ZNF439: variants seen among roughly 807,000 people sequenced by gnomAD.
ZNF439 encodes zinc finger protein 439.
Under a neutral mutation model 47.3 loss-of-function variants are expected in ZNF439, and 40 were observed. The ratio of observed to expected loss-of-function variants is 0.85; its 90% CI spans 0.66 to 1.10. The LOEUF is 1.10. Among genes scored for constraint, ZNF439 ranks in the 50% least tolerant of loss-of-function variants. The probability of loss-of-function intolerance (pLI) is 0.00; values close to 1 mark genes in which losing one functional copy is unlikely to be tolerated. For missense variants in ZNF439, 556 were observed against 601.1 expected, an observed-to-expected ratio of 0.93 and a Z score of 0.78; for synonymous variants, 171 against 198.8, an observed-to-expected ratio of 0.86 and a Z score of 1.18.
rs1976755828 is a variant in ZNF439 at position 11,868,130 on chromosome 19, A to G, written c.1076A>G (p.Tyr359Cys). 6.2e-7 allele frequency: 1 copy of G among 1,614,106 alleles called. No homozygotes were observed. Among genetic ancestry groups the G allele is most frequent in the Non-Finnish European group, 8.5e-7 (1 of 1,180,046 alleles). Residue 359 changes from tyrosine to cysteine, a missense_variant, in exon 4 of 4, where the codon TAT becomes TGT. Physicochemically the swap from Tyr to Cys is radical, Grantham distance 194. Coordinates refer to ENST00000682736, the MANE Select transcript of ZNF439 (RefSeq NM_001348719.2). ...AGAATGCACTCTGGAGAAAGACCTT[A>G]TGAATGTAAGACATGTGGGAAAGGC... ...HIRMHSGERP[Y>C]ECKTCGKGFY...
At chr19:11,866,685 A>C in intron 3 of ZNF439, 88 bp downstream of exon 3, 1 of 1,361,984 alleles carries the variant, frequency 7.3e-7, no homozygotes, top group Non-Finnish European at 1.0e-6. Flanking sequence ...ACAAAGAACT[A>C]AGTCCAGGAT....
At chr19:11,849,665 C>T (rs10439165) in intron 1 of ZNF439, 26,150 of 152,158 alleles carry the variant, frequency 0.17, 3,009 homozygotes, top group African/African-American at 0.32. Flanking sequence ...TAGGTGGCAG[C>T]TGGTTGAGAG....
chr19:11,863,542 A>G (rs1976596567), intron 1 of ZNF439, among the ~76,000 whole-genome samples: 1 of 152,132 alleles, frequency 6.6e-6, no homozygotes, highest in African/African-American at 2.4e-5. Context: ...CCTTGATCAG[A>G]TAGGTGTCCT....
At chr19:11,854,010 C>A (rs1041291409) in intron 1 of ZNF439, among the ~76,000 whole-genome samples, 1 of 152,132 alleles carries the variant, frequency 6.6e-6, no homozygotes, top group Non-Finnish European at 1.5e-5. Flanking sequence ...TCAAAGGTCC[C>A]GTGGATGCTC....
intron 1 of ZNF439, 150 bp from the exon 2 acceptor site, chr19:11,866,055 A>G: frequency 6.7e-7 from 1 of 1,493,138 alleles, no homozygotes; most frequent in Non-Finnish European, 8.9e-7. Context: ...GAAGAAAGTA[A>G]GTATAGACAG....
chr19:11,857,819 A>G (rs1976428136), intron 1 of ZNF439: 1 of 152,244 alleles, frequency 6.6e-6, no homozygotes, highest in African/African-American at 2.4e-5. Context: ...TTCAGTAACA[A>G]TAGTGCCTAA....
At chr19:11,861,982 G>A (rs969734918) in intron 1 of ZNF439, among the ~76,000 whole-genome samples, 1 of 152,134 alleles carries the variant, frequency 6.6e-6, no homozygotes, top group African/African-American at 2.4e-5. Context: ...TCTTGGTCCT[G>A]GGTGGCAGAA....
intron 1 of ZNF439, among the ~76,000 whole-genome samples, chr19:11,860,602 C>T (rs974397267): frequency 1.3e-5 from 2 of 151,974 alleles, no homozygotes; most frequent in Admixed American, 6.6e-5. Flanking sequence ...AGGACGAACG[C>T]GGGAATAAAG....
At chr19:11,857,259 C>T (rs1976411278) in intron 1 of ZNF439, 1 of 152,132 alleles carries the variant, frequency 6.6e-6, no homozygotes, top group South Asian at 2.1e-4. Context: ...CTATTATTTC[C>T]ACAAAATCTG....
intron 1 of ZNF439, among the ~76,000 whole-genome samples, chr19:11,855,108 G>A (rs1976349934): frequency 6.6e-6 from 1 of 152,154 alleles, no homozygotes; most frequent in South Asian, 2.1e-4. Flanking sequence ...TCCACACCAA[G>A]CAATCTGGGC....
intron 1 of ZNF439, among the ~76,000 whole-genome samples, chr19:11,851,932 G>A (rs1976256387): frequency 6.6e-6 from 1 of 152,176 alleles, no homozygotes; most frequent in African/African-American, 2.4e-5. Flanking sequence ...GCAGGCGTTA[G>A]CCAGTGCACC....
At chr19:11,854,522 G>A (rs976416823) in intron 1 of ZNF439, among the ~76,000 whole-genome samples, 5 of 152,232 alleles carry the variant, frequency 3.3e-5, no homozygotes, top group African/African-American at 1.2e-4. Context: ...CACTTTGGGA[G>A]GCCAAGGCAG....
In ZNF439 at chr19:11,869,438, A is replaced by G. The variant is rs1165487128; in HGVS notation, c.*869A>G. 6.6e-6 allele frequency: 1 copy of G among 152,660 alleles called. No homozygotes were observed. Among genetic ancestry groups the G allele is most frequent in the Non-Finnish European group, 1.5e-5 (1 of 68,186 alleles). The allele number at this position is 152,660 out of a possible 1,614,324, so 9.5% of individuals were successfully genotyped here. A position where few individuals can be genotyped will look rare whatever the true frequency, so the allele number is the denominator to read the frequency against. On this transcript the variant is annotated 3_prime_UTR_variant, in exon 4 of 4. Coordinates refer to ENST00000682736, the MANE Select transcript of ZNF439 (RefSeq NM_001348719.2). Reference sequence around the variant, plus strand: ...CTAACAAATGTTATTCTTTTTAAATAATTAAGAAGCTATAATAAAATATCC... The same window carrying G: ...CTAACAAATGTTATTCTTTTTAAATGATTAAGAAGCTATAATAAAATATCC...
chr19:11,855,885 G>T (rs282752), intron 1 of ZNF439: 26,461 of 152,238 alleles, frequency 0.17, 3,105 homozygotes, highest in African/African-American at 0.33. Flanking sequence ...CCTTCTCTCC[G>T]TCTTCACACT....
chr19:11,854,795 A>G (rs1176116374), intron 1 of ZNF439, among the ~76,000 whole-genome samples: 1 of 152,178 alleles, frequency 6.6e-6, no homozygotes, highest in Admixed American at 6.5e-5. Context: ...GCAATGTGCT[A>G]TGATTAATGT....
At chr19:11,865,413 T>C (rs1253572152) in intron 1 of ZNF439, among the ~76,000 whole-genome samples, 1 of 150,078 alleles carries the variant, frequency 6.7e-6, no homozygotes, top group East Asian at 2.0e-4. Context: ...TCTACTTAGG[T>C]GTCTCCCCTC....
Position 11,866,320 on chromosome 19 carries a change from T to C in ZNF439, c.179T>C (p.Leu60Pro). 1 of 1,614,158 alleles carries C rather than the reference T, an allele frequency of 6.2e-7. No homozygotes were observed. Among genetic ancestry groups the C allele is most frequent in the Non-Finnish European group, 8.5e-7 (1 of 1,180,014 alleles). Residue 60 changes from leucine (L) to proline (P), a missense_variant, in exon 2 of 4, where the codon CTG (leucine) becomes CCG (proline). Coordinates refer to ENST00000682736, the MANE Select transcript of ZNF439 (RefSeq NM_001348719.2). ...REVMLETFWN[L>P]TSIGKKWKDQ... is the part of the protein sequence containing the mutation. ...GTGATGCTGGAAACTTTCTGGAACC[T>C]GACCTCTATAGGTAAGGATGACAAT...
rs1301177287 is a variant in ZNF439, at chr19:11,855,642, G to A, written c.63+6712G>A. On this transcript the variant is annotated intron_variant, in intron 1 of 3. Coordinates refer to ENST00000682736, the MANE Select transcript of ZNF439 (RefSeq NM_001348719.2). ...GATCATGATAGATTTCAGAAAGAGC[G>A]TCACTCCAAAGTATAGGCCGTACTG... Among the ~76,000 whole-genome samples, 11 of 152,198 alleles carry A rather than the reference G, an allele frequency of 7.2e-5. No individual in the cohort carries two copies. The East Asian group carries it at 1.2e-3, about 16-fold the overall frequency.
chr19:11,865,700 G>A (rs1976653621), intron 1 of ZNF439, among the ~76,000 whole-genome samples: 1 of 107,064 alleles, frequency 9.3e-6, no homozygotes, highest in Non-Finnish European at 1.7e-5. Flanking sequence ...CTGACAGAGC[G>A]ATACACTATC....
Sources: gnomAD v4.1 joint callset for allele counts (sites outside exome capture counted in the v4.1 genomes callset) on GRCh38, gnomAD v4.1.1 for gene constraint, MANE v1.5 for transcripts, NCBI Gene and HGNC (gene_info 2026-07-23, HGNC 2026-07-21) for gene names.